TAFA4: variants seen among roughly 807,000 people sequenced by gnomAD.
TAFA4 encodes TAFA chemokine like family member 4, also known as chemokine-like protein TAFA-4.
TAFA4 carries 20 observed loss-of-function variants against 21.1 expected under a neutral mutation model. The ratio of observed to expected loss-of-function variants is 0.95; its 90% CI spans 0.67 to 1.38. The LOEUF is 1.38. Among genes scored for constraint, TAFA4 ranks in the 40% most tolerant of loss-of-function variants. The pLI is 0.00. For synonymous variants in TAFA4, 71 were observed against 67.4 expected, an observed-to-expected ratio of 1.05 and a Z score of -0.26; for missense variants, 211 against 180.9, an observed-to-expected ratio of 1.17 and a Z score of -0.95.
intron 3 of TAFA4, among the ~76,000 whole-genome samples, chr3:68,836,075 A>G (rs953163): frequency 0.45 from 68,531 of 152,082 alleles, 16,072 homozygotes; most frequent in African/African-American, 0.54. Context: ...AATCTCATGA[A>G]GTATTCTAAA....
intron 3 of TAFA4, among the ~76,000 whole-genome samples, chr3:68,826,221 T>C (rs1704232193): frequency 1.3e-5 from 2 of 152,292 alleles, no homozygotes; most frequent in African/African-American, 4.8e-5. Context: ...CCACTACCTA[T>C]GTAACCATAG....
intron 1 of TAFA4, among the ~76,000 whole-genome samples, chr3:68,905,659 A>T (rs1305773444): frequency 6.6e-6 from 1 of 152,150 alleles, no homozygotes; most frequent in Non-Finnish European, 1.5e-5. Flanking sequence ...GGACATGTGG[A>T]AGAAAAGCAT....
At chr3:68,920,613 T>C (rs2090049823) in intron 1 of TAFA4, among the ~76,000 whole-genome samples, 1 of 151,812 alleles carries the variant, frequency 6.6e-6, no homozygotes, top group East Asian at 1.9e-4. Flanking sequence ...TAGAGAGAGT[T>C]AGAAGTGATT....
intron 1 of TAFA4, among the ~76,000 whole-genome samples, chr3:68,915,514 A>C (rs1331163530): frequency 6.6e-6 from 1 of 152,234 alleles, no homozygotes; most frequent in Admixed American, 6.5e-5. Flanking sequence ...ATGTACAGAC[A>C]GAAAATAATT....
chr3:68,924,175 T>C (rs1432002392), intron 1 of TAFA4, among the ~76,000 whole-genome samples: 3 of 152,198 alleles, frequency 2.0e-5, no homozygotes, highest in Non-Finnish European at 4.4e-5. Context: ...CTTGAACAGA[T>C]GTTTGTATAC....
intron 1 of TAFA4, among the ~76,000 whole-genome samples, chr3:68,922,842 C>T (rs2090072050): frequency 1.3e-5 from 2 of 152,168 alleles, no homozygotes; most frequent in African/African-American, 4.8e-5. Flanking sequence ...TCAGGACAAG[C>T]TGGCTCATGA....
At chr3:68,749,667 C>CTGTT (rs1702525199) in intron 4 of TAFA4, among the ~76,000 whole-genome samples, 1 of 152,194 alleles carries the variant, frequency 6.6e-6, no homozygotes, top group Admixed American at 6.5e-5. Flanking sequence ...TGAACACCGA[C>CTGTT]TGTTTGCCAG....
intron 5 of TAFA4, among the ~76,000 whole-genome samples, chr3:68,735,548 C>G (rs1387138963): frequency 1.3e-5 from 2 of 152,010 alleles, no homozygotes; most frequent in Admixed American, 1.3e-4. Context: ...AGGTAGAGTT[C>G]AAAACTGTGT....
intron 4 of TAFA4, among the ~76,000 whole-genome samples, chr3:68,740,916 T>C (rs1702336759): frequency 6.6e-6 from 1 of 152,178 alleles, no homozygotes; most frequent in African/African-American, 2.4e-5. Context: ...CTTTCCCCAT[T>C]GTGTAGTCTT....
chr3:68,868,157 T>C (rs112743689), intron 3 of TAFA4, among the ~76,000 whole-genome samples: 4,410 of 152,124 alleles, frequency 0.029, 85 homozygotes, highest in Non-Finnish European at 0.044. Context: ...GAAGGAAAGC[T>C]ATTCCATGCA....
intron 3 of TAFA4, among the ~76,000 whole-genome samples, chr3:68,867,458 A>G (rs1216086154): frequency 6.6e-6 from 1 of 152,136 alleles, no homozygotes; most frequent in Non-Finnish European, 1.5e-5. Context: ...AAAGAAAAAA[A>G]CAGTAATGTG....
chr3:68,884,319 G>C (rs1300359499), intron 2 of TAFA4, among the ~76,000 whole-genome samples: 5 of 152,164 alleles, frequency 3.3e-5, no homozygotes, highest in Non-Finnish European at 5.9e-5. Flanking sequence ...AAAAGGGATA[G>C]GCCAGGACAT....
intron 3 of TAFA4, among the ~76,000 whole-genome samples, chr3:68,866,073 G>A (rs77441996): frequency 0.021 from 3,189 of 152,106 alleles, 116 homozygotes; most frequent in African/African-American, 0.072. Flanking sequence ...AGCAAGTGCC[G>A]GTAGGGAGAA....
intron 5 of TAFA4, among the ~76,000 whole-genome samples, chr3:68,737,195 AT>A (rs1702256629): frequency 6.6e-6 from 1 of 152,170 alleles, no homozygotes; most frequent in East Asian, 1.9e-4. Flanking sequence ...ACACTGATGG[AT>A]GTAATACCCT....
chr3:68,792,078 A>C (rs1297840553), intron 3 of TAFA4, among the ~76,000 whole-genome samples: 1 of 152,200 alleles, frequency 6.6e-6, no homozygotes, highest in Non-Finnish European at 1.5e-5. Flanking sequence ...AGTTTTTCTC[A>C]AATTATTAAA....
intron 3 of TAFA4, among the ~76,000 whole-genome samples, chr3:68,826,730 T>C (rs1704248496): frequency 6.6e-6 from 1 of 152,062 alleles, no homozygotes; most frequent in Non-Finnish European, 1.5e-5. Context: ...CACAAAATAG[T>C]ATTATAAACA....
At chr3:68,800,269 C>T (rs1379255080) in intron 3 of TAFA4, among the ~76,000 whole-genome samples, 6 of 152,186 alleles carry the variant, frequency 3.9e-5, no homozygotes, top group Non-Finnish European at 7.3e-5. Context: ...TTGGGAACCA[C>T]TGCCCTAGAG....
At chr3:68,911,269 C>G (rs2089959387) in intron 1 of TAFA4, among the ~76,000 whole-genome samples, 1 of 152,200 alleles carries the variant, frequency 6.6e-6, no homozygotes, top group Non-Finnish European at 1.5e-5. Flanking sequence ...AGCTTTCCCC[C>G]ATGTTTCTAT....
At chr3:68,740,410 C>T (rs902137404) in intron 4 of TAFA4, among the ~76,000 whole-genome samples, 1 of 152,182 alleles carries the variant, frequency 6.6e-6, no homozygotes, top group African/African-American at 2.4e-5. Context: ...CACTTAAAGT[C>T]AATTACAAGA....
Sources: allele counts gnomAD v4.1 joint callset (sites outside exome capture counted in the v4.1 genomes callset), GRCh38; gene constraint gnomAD v4.1.1; transcripts MANE v1.5; gene names NCBI Gene and HGNC (gene_info 2026-07-23, HGNC 2026-07-21).